The following NSMAF variants were observed in gnomAD, a reference collection of about 807,000 sequenced individuals.
NSMAF encodes the protein protein FAN.
Under a neutral mutation model 134.9 loss-of-function variants are expected in NSMAF, and 90 were observed. The observed-to-expected ratio is 0.67, with a 90% CI of 0.56 to 0.79. The LOEUF (loss-of-function observed/expected upper bound fraction) is 0.79, where lower values mean the gene tolerates loss of function less well. Ranked by LOEUF, NSMAF falls within the 30% of genes least tolerant of loss-of-function variation. NSMAF has a pLI of 0.00. For synonymous variants in NSMAF, 358 were observed against 389.6 expected, an observed-to-expected ratio of 0.92 and a Z score of 0.96; for missense variants, 1,010 against 1,119.0, an observed-to-expected ratio of 0.90 and a Z score of 1.39.
rs774597540 is a variant in NSMAF at position 58,586,586 on chromosome 8, G to T, written c.2318C>A (p.Ala773Asp). ...DVSVDTISLN[A>D]ASTLLVSGTK... is the part of the protein sequence containing the mutation. ...GCCGGAAACTAACAGTGTGCTTGCA[G>T]CATTTAAACTGATTGTATCTACCTA... The change falls in exon 28 of 31, where the codon GCT (alanine) becomes GAT (aspartate). Residue 773 changes from alanine to aspartate, a missense_variant. Ala to Asp is a moderately radical substitution (Grantham distance 126, BLOSUM62 -2). Coordinates refer to ENST00000038176, the MANE Select transcript of NSMAF (RefSeq NM_003580.4). 6 of 1,613,388 alleles carry T rather than the reference G, an allele frequency of 3.7e-6. No individual in the cohort carries two copies. Among genetic ancestry groups the T allele is most frequent in the Non-Finnish European group, 4.2e-6 (5 of 1,179,772 alleles).
intron 1 of NSMAF, among the ~76,000 whole-genome samples, chr8:58,657,178 T>A (rs1455596080): frequency 6.6e-6 from 1 of 152,176 alleles, no homozygotes; most frequent in African/African-American, 2.4e-5. Flanking sequence ...AATGCAAGAA[T>A]CTCCTAGTCA....
At chr8:58,609,520 G>C in intron 10 of NSMAF, 84 bp downstream of exon 10, 1 of 1,430,864 alleles carries the variant, frequency 7.0e-7, no homozygotes, top group Non-Finnish European at 9.8e-7. Context: ...TCATCAAAAA[G>C]TGAGGTCCCT....
chr8:58,639,940 TCAAAGAAGAGA>T, intron 2 of NSMAF: 1 of 361,312 alleles, frequency 2.8e-6, no homozygotes, highest in Non-Finnish European at 5.5e-6. Context: ...AGAGTTTAAT[TCAAAGAAGAGA>T]CAAGAATGGA....
intron 1 of NSMAF, among the ~76,000 whole-genome samples, chr8:58,648,053 T>C (rs961783691): frequency 1.2e-4 from 18 of 152,150 alleles, no homozygotes; most frequent in Non-Finnish European, 2.6e-4. Flanking sequence ...GATAGGAATA[T>C]GGACAGTGAA....
In NSMAF at chr8:58,631,549, G is replaced by A; in HGVS notation, c.334-3C>T. ...TTATGTTCTTTAATGAAATATACCT[G>A]AGCAAGAAAAAGCAATACTTGTAAA... On this transcript the variant is annotated splice_region_variant and splice_polypyrimidine_tract_variant and intron_variant, in intron 5 of 30. Transcript: ENST00000038176. 1 of 1,470,540 alleles carries A rather than the reference G, an allele frequency of 6.8e-7. No individual in the cohort carries two copies. Among genetic ancestry groups the A allele is most frequent in the Non-Finnish European group, 9.2e-7 (1 of 1,082,316 alleles). 91.1% of individuals were successfully genotyped at this position (1,470,540 alleles called of 1,614,324 possible).
intron 1 of NSMAF, chr8:58,659,051 GA>G: frequency 1.4e-5 from 10 of 696,970 alleles, no homozygotes; most frequent in South Asian, 4.5e-5. Context: ...GAGTCGGCAG[GA>G]AAAAGGCGCG....
At chr8:58,636,807 A>G (rs1466689964) in intron 2 of NSMAF, among the ~76,000 whole-genome samples, 1 of 152,194 alleles carries the variant, frequency 6.6e-6, no homozygotes, top group Non-Finnish European at 1.5e-5. Flanking sequence ...CCATTCTTCC[A>G]TTAGGCATTG....
chr8:58,588,910 C>A (rs971000332), intron 26 of NSMAF: 9 of 637,226 alleles, frequency 1.4e-5, no homozygotes, highest in Non-Finnish European at 2.5e-5. Flanking sequence ...GACCATTCAT[C>A]CCACAATGGA....
At chr8:58,598,713 T>C (rs913854238) in intron 19 of NSMAF, among the ~76,000 whole-genome samples, 21 of 152,026 alleles carry the variant, frequency 1.4e-4, no homozygotes, top group African/African-American at 5.1e-4. Context: ...TCCTCCCTCC[T>C]TGTCAGTTAC....
At chr8:58,644,888 C>T (rs557900980) in intron 1 of NSMAF, among the ~76,000 whole-genome samples, 112 of 152,228 alleles carry the variant, frequency 7.4e-4, no homozygotes, top group Middle Eastern at 6.8e-3. Flanking sequence ...GCCATGTTCT[C>T]GCTCATAAGT....
rs1402735516 is a variant in NSMAF, at chr8:58,659,761, C to A, written c.-130G>T. ...GAGCGCGCGGCTGCCGGCCTGGCTT[C>A]CCCTGCGGCGCCGCTGGGCGGCCGA... On this transcript the variant is annotated 5_prime_UTR_variant, in exon 1 of 31. Transcript: ENST00000038176. The A allele has an allele frequency of 4.6e-6, 3 of 645,646 alleles. No homozygotes were observed. In the East Asian group the frequency reaches 1.2e-4, roughly 26 times the overall value. 40.0% of individuals were successfully genotyped at this position (645,646 alleles called of 1,614,324 possible). A position where few individuals can be genotyped will look rare whatever the true frequency, so the allele number is the denominator to read the frequency against.
intron 11 of NSMAF, 98 bp downstream of exon 11, chr8:58,607,671 G>A (rs1806438024): frequency 4.5e-6 from 4 of 895,302 alleles, no homozygotes; most frequent in South Asian, 4.0e-5. Context: ...CAGTGTACTT[G>A]TACTTTCAGA....
intron 9 of NSMAF, among the ~76,000 whole-genome samples, chr8:58,615,877 G>C (rs1228750791): frequency 6.6e-6 from 1 of 152,098 alleles, no homozygotes; most frequent in Non-Finnish European, 1.5e-5. Flanking sequence ...TCAAAATGTG[G>C]TCATTTGAAA....
At chr8:58,596,608 A>G (rs1806140468) in intron 21 of NSMAF, among the ~76,000 whole-genome samples, 3 of 152,192 alleles carry the variant, frequency 2.0e-5, no homozygotes, top group Admixed American at 1.3e-4. Context: ...GTGAAATCCA[A>G]TGAAGAAGAG....
intron 1 of NSMAF, among the ~76,000 whole-genome samples, chr8:58,655,244 T>C (rs1336244161): frequency 6.6e-6 from 1 of 152,166 alleles, no homozygotes; most frequent in East Asian, 1.9e-4. Context: ...AGGGCTGGGA[T>C]TACAAGTGTA....
At chr8:58,637,339 T>C in intron 2 of NSMAF, 1 of 456,234 alleles carries the variant, frequency 2.2e-6, no homozygotes, top group South Asian at 1.5e-5. Flanking sequence ...TGGGAAGTGG[T>C]ATTAAGAGAC....
chr8:58,586,654 C>A (rs1398757013), intron 27 of NSMAF, 46 bp from the exon 28 acceptor site: 2 of 1,483,872 alleles, frequency 1.3e-6, no homozygotes, highest in South Asian at 1.2e-5. Flanking sequence ...GATTTATGGT[C>A]ATTAGCTATG....
At chr8:58,617,400 C>A (rs1205380850) in intron 9 of NSMAF, among the ~76,000 whole-genome samples, 1 of 152,124 alleles carries the variant, frequency 6.6e-6, no homozygotes, top group Non-Finnish European at 1.5e-5. Flanking sequence ...AAAATTTCTG[C>A]AATCTACCCA....
Position 58,631,514 on chromosome 8 carries a change from T to C in NSMAF, c.366A>G (p.Ala122=). 1 of 1,510,408 alleles carries C rather than the reference T, an allele frequency of 6.6e-7. No homozygotes were observed. The highest frequency in any genetic ancestry group is 1.2e-5 in the South Asian group (1 of 81,720). 93.6% of individuals were successfully genotyped at this position (1,510,408 alleles called of 1,614,324 possible). A position where few individuals can be genotyped will look rare whatever the true frequency, so the allele number is the denominator to read the frequency against. Residue 122 remains alanine (A), a synonymous_variant, in exon 6 of 31, where the codon GCA becomes GCG. Transcript: ENST00000038176. ...VYFIKEHNVV[A]PYKIERGKME... ...TACTTACCCTTTCTATTTTATATGGTGCAACAACATTATGTTCTTTAATGA... is the reference window on the plus strand; with the variant it reads ...TACTTACCCTTTCTATTTTATATGGCGCAACAACATTATGTTCTTTAATGA...
Sources: gnomAD v4.1 joint callset for allele counts (sites outside exome capture counted in the v4.1 genomes callset) on GRCh38, gnomAD v4.1.1 for gene constraint, MANE v1.5 for transcripts, NCBI Gene and HGNC (gene_info 2026-07-23, HGNC 2026-07-21) for gene names.